Variants in MAGI3 observed in about 807,000 individuals in gnomAD.
MAGI3 encodes the protein membrane-associated guanylate kinase, WW and PDZ domain-containing protein 3.
Under a neutral mutation model 121.8 loss-of-function variants are expected in MAGI3, and 43 were observed. The ratio of observed to expected loss-of-function variants is 0.35; its 90% CI spans 0.28 to 0.46. The LOEUF (loss-of-function observed/expected upper bound fraction) is 0.46, where lower values mean the gene tolerates loss of function less well. MAGI3 is among the 20% of genes least tolerant of loss of function. The pLI is 1.00. For missense variants in MAGI3, 1,547 were observed against 1,797.3 expected, an observed-to-expected ratio of 0.86 and a Z score of 2.52; for synonymous variants, 553 against 639.3, an observed-to-expected ratio of 0.86 and a Z score of 2.04.
chr1:113,582,658 A>G (rs1557835382), intron 3 of MAGI3, among the ~76,000 whole-genome samples: 1 of 152,042 alleles, frequency 6.6e-6, no homozygotes, highest in Non-Finnish European at 1.5e-5. Context: ...GCATATATAC[A>G]TATCCTAGAT....
intron 1 of MAGI3, among the ~76,000 whole-genome samples, chr1:113,522,718 C>T (rs72687961): frequency 0.15 from 22,942 of 152,120 alleles, 2,757 homozygotes; most frequent in East Asian, 0.63. Flanking sequence ...TAAGTATCCA[C>T]ATACCCTTTG....
At chr1:113,682,270 G>C in intron 20 of MAGI3, 2 of 1,607,622 alleles carry the variant, frequency 1.2e-6, no homozygotes, top group Non-Finnish European at 1.7e-6. Flanking sequence ...AAGGCTTTCA[G>C]GGCTTTTCTT....
chr1:113,515,481 G>C lies in MAGI3; in HGVS notation c.317-34034G>C, dbSNP rs1274934950. ...TTATATATGACCTCCAAAAATGATT[G>C]AATATTTTTTGAATACAAATTCTGT... On this transcript the variant is annotated intron_variant, in intron 1 of 20. Coordinates refer to ENST00000307546, the MANE Select transcript of MAGI3 (RefSeq NM_001142782.2). Among the ~76,000 whole-genome samples the C allele has an allele frequency of 3.9e-5, 6 of 152,164 alleles. No individual in the cohort carries two copies. The South Asian group carries it at 1.0e-3, about 26-fold the overall frequency.
chr1:113,640,928 T>A (rs1442599964), intron 9 of MAGI3, among the ~76,000 whole-genome samples: 1 of 31,358 alleles, frequency 3.2e-5, no homozygotes, highest in Non-Finnish European at 6.4e-5. Flanking sequence ...ATATATTTTA[T>A]ATATCATATA....
chr1:113,402,348 T>G (rs1651452630), intron 1 of MAGI3, among the ~76,000 whole-genome samples: 1 of 152,176 alleles, frequency 6.6e-6, no homozygotes, highest in African/African-American at 2.4e-5. Flanking sequence ...CAGGGCATTT[T>G]AAGCCTTTAT....
At chr1:113,657,327 T>G (rs1281187242) in intron 15 of MAGI3, among the ~76,000 whole-genome samples, 4 of 152,238 alleles carry the variant, frequency 2.6e-5, no homozygotes, top group Non-Finnish European at 5.9e-5. Flanking sequence ...TGTTTGCTAT[T>G]TTTAACTGTT....
At chr1:113,581,612 A>G (rs1214363865) in intron 3 of MAGI3, among the ~76,000 whole-genome samples, 2 of 152,106 alleles carry the variant, frequency 1.3e-5, no homozygotes, top group African/African-American at 2.4e-5. Flanking sequence ...CCACTAGAAG[A>G]GCTCATGTGT....
intron 1 of MAGI3, among the ~76,000 whole-genome samples, chr1:113,541,941 G>A (rs1188835795): frequency 3.3e-5 from 5 of 152,180 alleles, no homozygotes; most frequent in African/African-American, 1.2e-4. Flanking sequence ...AGTAAGTGCT[G>A]TCGCATGTCT....
At chr1:113,682,422 T>C in intron 20 of MAGI3, 1 of 1,403,910 alleles carries the variant, frequency 7.1e-7, no homozygotes, top group Non-Finnish European at 9.2e-7. Context: ...TGACATTAAA[T>C]TTGACAGCTT....
At chr1:113,516,713 C>T (rs141083549) in intron 1 of MAGI3, among the ~76,000 whole-genome samples, 35 of 152,072 alleles carry the variant, frequency 2.3e-4, no homozygotes, top group African/African-American at 7.5e-4. Flanking sequence ...GTATGAGCTA[C>T]CCATAGTGAC....
intron 6 of MAGI3, among the ~76,000 whole-genome samples, chr1:113,597,222 A>T (rs1649074522): frequency 6.6e-6 from 1 of 152,236 alleles, no homozygotes; most frequent in South Asian, 2.1e-4. Context: ...ATAATAGGCC[A>T]GATATTGTAT....
chr1:113,450,176 A>T (rs1654403464), intron 1 of MAGI3: 2 of 1,531,398 alleles, frequency 1.3e-6, no homozygotes, highest in Non-Finnish European at 1.8e-6. Flanking sequence ...ACAGTTGATA[A>T]AATTGTTGTT....
chr1:113,577,154 A>G (rs1339240798), intron 2 of MAGI3, among the ~76,000 whole-genome samples: 1 of 152,186 alleles, frequency 6.6e-6, no homozygotes, highest in Non-Finnish European at 1.5e-5. Flanking sequence ...AGAGACACAC[A>G]AGAAGGTTTT....
rs1048411909 is a variant in MAGI3, at chr1:113,684,532, T to C, written c.*518T>C. 2 of 152,422 alleles carry C rather than the reference T, an allele frequency of 1.3e-5. No individual in the cohort carries two copies. Among genetic ancestry groups the C allele is most frequent in the Non-Finnish European group, 2.9e-5 (2 of 68,106 alleles). 9.4% of individuals were successfully genotyped at this position (152,422 alleles called of 1,614,324 possible). On this transcript the variant is annotated 3_prime_UTR_variant, in exon 21 of 21. Coordinates refer to ENST00000307546, the MANE Select transcript of MAGI3 (RefSeq NM_001142782.2). ...TTAACTCATCGTTAAAGATGGCCGT[T>C]GTCTCTTCTAACAGCTACTGATGAT...
intron 4 of MAGI3, among the ~76,000 whole-genome samples, chr1:113,587,091 A>G (rs1648409551): frequency 6.6e-6 from 1 of 152,236 alleles, no homozygotes; most frequent in Admixed American, 6.5e-5. Flanking sequence ...GCACCCGCCT[A>G]CAAACAGAAT....
At chr1:113,551,013 T>A (rs1054542987) in intron 2 of MAGI3, among the ~76,000 whole-genome samples, 1 of 150,740 alleles carries the variant, frequency 6.6e-6, no homozygotes, top group Non-Finnish European at 1.5e-5. Flanking sequence ...TTACTTGGAA[T>A]AATTTCTTTT....
chr1:113,596,032 AAATACTAATACT>A (rs11272827), intron 6 of MAGI3, among the ~76,000 whole-genome samples: 33,957 of 150,350 alleles, frequency 0.23, 4,839 homozygotes, highest in East Asian at 0.64. Flanking sequence ...CCCTGTCTCA[AAATACTAATACT>A]AATACTAATA....
chr1:113,515,637 C>G (rs1657860999), intron 1 of MAGI3, among the ~76,000 whole-genome samples: 1 of 151,980 alleles, frequency 6.6e-6, no homozygotes, highest in Admixed American at 6.6e-5. Flanking sequence ...TGTTCAAGAC[C>G]ATTTTTTCAG....
Position 113,391,717 on chromosome 1 carries a change from T to C in MAGI3, c.316+368T>C, listed in dbSNP as rs1248157349. Among the ~76,000 whole-genome samples, 2 of 152,210 alleles carry C rather than the reference T, an allele frequency of 1.3e-5. No homozygotes were observed. The highest frequency in any genetic ancestry group is 1.9e-4 in the East Asian group (1 of 5,196). The stretch of plus-strand genomic sequence containing the variant: ...GCCCTTAGGATTGTAACATTTTCTT[T>C]GGAACGATCTTACGCATCTTCTAAC... On this transcript the variant is annotated intron_variant, in intron 1 of 20. Coordinates refer to ENST00000307546, the MANE Select transcript of MAGI3 (RefSeq NM_001142782.2). The surrounding 1 kb of genome is among the most constrained non-coding windows in gnomAD (Gnocchi z 4.4).
Sources: allele counts gnomAD v4.1 joint callset (sites outside exome capture counted in the v4.1 genomes callset), GRCh38; gene constraint gnomAD v4.1.1; non-coding constraint Gnocchi (gnomAD v3.1); transcripts MANE v1.5; gene names NCBI Gene and HGNC (gene_info 2026-07-23, HGNC 2026-07-21).